The following PCDH15 variants were observed in gnomAD, a reference collection of about 807,000 sequenced individuals.
The protein encoded by PCDH15 is protocadherin related 15.
In PCDH15, 129 loss-of-function variants were observed where a neutral mutation model predicts 178.5. The ratio of observed to expected loss-of-function variants is 0.72; its 90% CI spans 0.63 to 0.84. The LOEUF is 0.84. PCDH15 is among the 40% of genes least tolerant of loss of function. The pLI is 0.00. For missense variants in PCDH15, 2,230 were observed against 2,099.9 expected (o/e 1.06, Z -1.21); for synonymous variants, 800 against 732.0 (o/e 1.09, Z -1.50).
intron 2 of PCDH15, among the ~76,000 whole-genome samples, chr10:55,047,966 C>A (rs1841054259): frequency 6.6e-6 from 1 of 151,718 alleles, no homozygotes; most frequent in Non-Finnish European, 1.5e-5. Flanking sequence ...AATAGCCAAA[C>A]CTTCATCTTA....
chr10:55,005,988 T>C (rs1483037682), intron 2 of PCDH15, among the ~76,000 whole-genome samples: 1 of 151,910 alleles, frequency 6.6e-6, no homozygotes, highest in Admixed American at 6.6e-5. Flanking sequence ...TGTATATTTA[T>C]ATAAATACAA....
At chr10:55,434,041 T>C (rs1173997996) in intron 2 of PCDH15, among the ~76,000 whole-genome samples, 3 of 151,024 alleles carry the variant, frequency 2.0e-5, no homozygotes, top group Non-Finnish European at 4.4e-5. Context: ...AATCATAACA[T>C]AAGGAAAACA....
intron 2 of PCDH15, among the ~76,000 whole-genome samples, chr10:55,153,628 T>C (rs1398644056): frequency 4.6e-5 from 7 of 152,170 alleles, no homozygotes; most frequent in Admixed American, 3.3e-4. Flanking sequence ...CTGGCGGCCT[T>C]GTGCTAAACT....
intron 2 of PCDH15, among the ~76,000 whole-genome samples, chr10:54,646,075 ATC>A (rs2094124212): frequency 2.0e-5 from 3 of 152,112 alleles, no homozygotes; most frequent in African/African-American, 7.2e-5. Flanking sequence ...TACATGTTTT[ATC>A]GCATGTTAAT....
chr10:53,898,701 C>T (rs1438581776), intron 26 of PCDH15, among the ~76,000 whole-genome samples: 1 of 152,146 alleles, frequency 6.6e-6, no homozygotes, highest in Non-Finnish European at 1.5e-5. Context: ...CTCAGGAGAC[C>T]TCCCTTAACA....
At chr10:55,613,017 A>ATTTTTTTT (rs34403286) in intron 2 of PCDH15, among the ~76,000 whole-genome samples, 3 of 82,390 alleles carry the variant, frequency 3.6e-5, no homozygotes, top group African/African-American at 9.1e-5. Flanking sequence ...TACTAGCCAG[A>ATTTTTTTT]TTTTTTTTTT....
intron 17 of PCDH15, among the ~76,000 whole-genome samples, chr10:54,071,970 T>C (rs1007465058): frequency 2.0e-5 from 3 of 152,122 alleles, no homozygotes; most frequent in Non-Finnish European, 4.4e-5. Flanking sequence ...TATTTTTAGA[T>C]ACTTTAAATA....
intron 22 of PCDH15, among the ~76,000 whole-genome samples, chr10:53,960,943 C>A (rs1204013503): frequency 1.3e-5 from 2 of 151,996 alleles, no homozygotes; most frequent in South Asian, 4.1e-4. Context: ...TATGGTAATG[C>A]AAATTATTGT....
Position 54,435,932 on chromosome 10 carries a change from T to C in PCDH15, c.158-56990A>G, listed in dbSNP as rs191174718. On this transcript the variant is annotated intron_variant, in intron 3 of 37. Coordinates refer to ENST00000644397, the MANE Select transcript of PCDH15 (RefSeq NM_001384140.1). ...TTGCAGGGAGCCGAGATCGTGCCAC[T>C]GCACTCCAGCCTGGGCAACAGAGCG... Among the ~76,000 whole-genome samples the C allele has an allele frequency of 9.1e-4, 138 of 150,834 alleles. 1 individual carries two copies. The highest frequency in any genetic ancestry group is 3.3e-3 in the African/African-American group (136 of 40,908).
chr10:55,010,373 C>A (rs11004671), intron 2 of PCDH15, among the ~76,000 whole-genome samples: 69,861 of 151,962 alleles, frequency 0.46, 17,951 homozygotes, highest in East Asian at 0.75. Context: ...ATGGAAATTC[C>A]TTTCCAGTGG....
chr10:53,822,860 G>C, intron 32 of PCDH15: 1 of 1,614,032 alleles, frequency 6.2e-7, no homozygotes, highest in Non-Finnish European at 8.5e-7. Flanking sequence ...GCAATGGATT[G>C]CTGCTACCTC....
intron 1 of PCDH15, among the ~76,000 whole-genome samples, chr10:55,230,156 T>C (rs961262821): frequency 6.6e-6 from 1 of 152,050 alleles, no homozygotes; most frequent in Non-Finnish European, 1.5e-5. Flanking sequence ...TTACCTTTTA[T>C]TTGTCCTAAG....
intron 2 of PCDH15, among the ~76,000 whole-genome samples, chr10:55,414,523 C>T (rs1013657108): frequency 3.3e-5 from 5 of 151,540 alleles, no homozygotes; most frequent in African/African-American, 4.8e-5. Context: ...ACACAGAATA[C>T]GTTTTTACTT....
chr10:55,468,523 T>C (rs1043078566), intron 2 of PCDH15: 2 of 152,166 alleles, frequency 1.3e-5, no homozygotes, highest in Non-Finnish European at 2.9e-5. Flanking sequence ...GAAACATAGA[T>C]TATAGAACTT....
chr10:53,923,857 T>C (rs1375536934), intron 25 of PCDH15, among the ~76,000 whole-genome samples: 1 of 152,228 alleles, frequency 6.6e-6, no homozygotes, highest in Non-Finnish European at 1.5e-5. Context: ...TGGCTATTCT[T>C]TTCCTCTCAT....
chr10:54,465,454 A>ATTAC (rs2077453791), intron 3 of PCDH15, among the ~76,000 whole-genome samples: 1 of 151,910 alleles, frequency 6.6e-6, no homozygotes, highest in South Asian at 2.1e-4. Flanking sequence ...CCTTCATGAT[A>ATTAC]TTACCTTTTT....
intron 15 of PCDH15, among the ~76,000 whole-genome samples, chr10:54,115,200 C>T (rs1417403854): frequency 6.6e-6 from 1 of 151,752 alleles, no homozygotes; most frequent in African/African-American, 2.4e-5. Context: ...GACAAGGGGG[C>T]CTGTGGATAA....
chr10:53,846,278 C>T (rs1226868331), intron 28 of PCDH15, among the ~76,000 whole-genome samples: 2 of 151,828 alleles, frequency 1.3e-5, no homozygotes, highest in Non-Finnish European at 3.0e-5. Context: ...ATAAAAATTA[C>T]ATTTTAAGGC....
At chr10:54,199,564 CAACAACAAT>C (rs1400921039) in intron 10 of PCDH15, among the ~76,000 whole-genome samples, 10 of 79,284 alleles carry the variant, frequency 1.3e-4, no homozygotes, top group South Asian at 5.0e-4. Context: ...TAAACAACAA[CAACAACAAT>C]AATAATAATA....
Sources: gnomAD v4.1 joint callset for allele counts (sites outside exome capture counted in the v4.1 genomes callset) on GRCh38, gnomAD v4.1.1 for gene constraint, MANE v1.5 for transcripts, NCBI Gene and HGNC (gene_info 2026-07-23, HGNC 2026-07-21) for gene names.